The following ABR variants were observed in gnomAD, a reference collection of about 807,000 sequenced individuals.
The protein encoded by ABR is active breakpoint cluster region-related protein.
ABR carries 35 observed loss-of-function variants against 107.2 expected under a neutral mutation model. The ratio of observed to expected loss-of-function variants is 0.33; its 90% CI spans 0.25 to 0.43. The LOEUF (loss-of-function observed/expected upper bound fraction) is 0.43. Among genes scored for constraint, ABR ranks in the 20% least tolerant of loss-of-function variants. The pLI is 1.00. For missense variants in ABR, 815 were observed against 1,115.2 expected (o/e 0.73, Z 3.83); for synonymous variants, 498 against 462.0 (o/e 1.08, Z -1.00).
intron 2 of ABR, among the ~76,000 whole-genome samples, chr17:1,107,288 C>T (rs778002172): frequency 5.3e-5 from 8 of 152,320 alleles, no homozygotes; most frequent in Admixed American, 2.0e-4. Flanking sequence ...TGAGATGGAG[C>T]GAGGCTGGGA....
rs549138918 is a variant in ABR, at chr17:1,024,260, T to C, written c.1792-11096A>G. The stretch of plus-strand genomic sequence containing the variant: ...AGAAGAACCGTCTTGCCTGTTGCTA[T>C]GCACAGCGTGCCAGGACGGGCACCA... On this transcript the variant is annotated intron_variant, in intron 16 of 22. Transcript: ENST00000302538. Among the ~76,000 whole-genome samples, 22 of 152,272 alleles carry C rather than the reference T, an allele frequency of 1.4e-4. No homozygotes were observed. In the South Asian group the frequency reaches 4.6e-3, roughly 32 times the overall value.
chr17:1,057,242 G>A, intron 12 of ABR, 140 bp from the exon 13 acceptor site: 1 of 580,434 alleles, frequency 1.7e-6, no homozygotes, highest in Non-Finnish European at 3.1e-6. Flanking sequence ...AAGGATTTGT[G>A]GACACAGCAG....
chr17:1,123,504 A>C lies in ABR; in HGVS notation c.246+1679T>G, dbSNP rs146333450. On this transcript the variant is annotated intron_variant, in intron 2 of 22. Transcript: ENST00000302538. ...CCGAGAGAAGGCACCTGCCAGCACCAAAGGAATCGGAAAATCGACGGACAC... is the reference window on the plus strand; with the variant it reads ...CCGAGAGAAGGCACCTGCCAGCACCCAAGGAATCGGAAAATCGACGGACAC... Among the ~76,000 whole-genome samples, 531 of 152,262 alleles carry C rather than the reference A, an allele frequency of 3.5e-3. 11 individuals are homozygous for C. Among genetic ancestry groups the C allele is most frequent in the Admixed American group, 0.025 (384 of 15,290 alleles).
intron 16 of ABR, among the ~76,000 whole-genome samples, chr17:1,029,415 C>A (rs987114233): frequency 2.6e-5 from 4 of 152,168 alleles, no homozygotes; most frequent in Admixed American, 1.3e-4. Context: ...ATCATGAGAC[C>A]TTTCCATCTG....
intron 16 of ABR, among the ~76,000 whole-genome samples, chr17:1,014,310 G>A (rs1464015437): frequency 2.2e-5 from 3 of 134,766 alleles, no homozygotes; most frequent in African/African-American, 5.6e-5. Context: ...GCGTGGTGGC[G>A]GGCGCCTGTA....
Position 1,083,580 on chromosome 17 carries a change from G to A in ABR, c.579C>T (p.Val193=), listed in dbSNP as rs371445550. ...VYKAFVDNYK[V]ALETAEKCSQ... ...TGCACTTCTCAGCTGTCTCCAGAGC[G>A]ACTTTATAGTTATCGACAAACGCTT... is the stretch of plus-strand genomic sequence containing the variant. Residue 193 remains valine, a synonymous_variant, in exon 5 of 23, where the codon GTC becomes GTT. Transcript: ENST00000302538. 7.4e-6 allele frequency: 12 copies of A among 1,611,588 alleles called. No homozygotes were observed. Among genetic ancestry groups the A allele is most frequent in the African/African-American group, 5.3e-5 (4 of 74,820 alleles).
intron 1 of ABR, among the ~76,000 whole-genome samples, chr17:1,166,585 A>T (rs1202923666): frequency 6.6e-6 from 1 of 152,008 alleles, no homozygotes; most frequent in African/African-American, 2.4e-5. Context: ...TGTGCTAAGG[A>T]GTTTAGAGTT....
intron 3 of ABR, among the ~76,000 whole-genome samples, chr17:1,097,452 G>A (rs762246238): frequency 6.6e-5 from 10 of 152,068 alleles, no homozygotes; most frequent in Admixed American, 3.3e-4. Flanking sequence ...TTAGCTGGGC[G>A]TGGTGGTGGG....
rs150587124 is a variant in ABR at position 1,100,745 on chromosome 17, C to T, written c.247-10G>A. The T allele has an allele frequency of 5.7e-4, 924 of 1,614,018 alleles. 10 individuals are homozygous for T. In the African/African-American group the frequency reaches 0.011, roughly 19 times the overall value. ...CTTTCCCTGCTTCCACCTGCACAAACGCAAAGCACAGCCAACAGCTCATGA... is the reference window on the plus strand; with the variant it reads ...CTTTCCCTGCTTCCACCTGCACAAATGCAAAGCACAGCCAACAGCTCATGA... On this transcript the variant is annotated splice_polypyrimidine_tract_variant and intron_variant, in intron 2 of 22. Coordinates refer to ENST00000302538, the MANE Select transcript of ABR (RefSeq NM_021962.5).
chr17:1,111,705 G>A (rs776249901), intron 2 of ABR, among the ~76,000 whole-genome samples: 3 of 152,058 alleles, frequency 2.0e-5, no homozygotes, highest in Admixed American at 6.6e-5. Context: ...TCATTCTCCC[G>A]CCTCCTGTAA....
In ABR at chr17:1,222,741, G is replaced by A. The variant is rs575027816; in HGVS notation, c.838+6052C>T. Among the ~76,000 whole-genome samples, 92 of 152,114 alleles carry A rather than the reference G, an allele frequency of 6.0e-4. 2 individuals are homozygous for A. The highest frequency in any genetic ancestry group is 2.1e-3 in the African/African-American group (87 of 41,502). On this transcript the variant is annotated intron_variant, in intron 1 of 22. Transcript: ENST00000574139. ...AGCCTGGGGAACATAGTGAGACCCC[G>A]TCTCTACAAAAAATTAAAAATTAGC... is the stretch of plus-strand genomic sequence containing the variant.
intron 2 of ABR, among the ~76,000 whole-genome samples, chr17:1,122,094 G>A (rs776532377): frequency 2.0e-5 from 3 of 152,092 alleles, no homozygotes; most frequent in Admixed American, 6.5e-5. Context: ...GTAGAGACAG[G>A]GTTTCACCAT....
At chr17:1,056,137 G>A (rs763767251) in intron 13 of ABR, 28 bp from the exon 14 acceptor site, 2 of 1,607,602 alleles carry the variant, frequency 1.2e-6, no homozygotes, top group African/African-American at 1.3e-5. Flanking sequence ...CCCCAGGGCA[G>A]AGGGTGGTCA....
chr17:1,079,347 G>C lies in ABR; in HGVS notation c.683C>G (p.Thr228Arg), dbSNP rs770182453. ...KGPKDSKDSH[T>R]SVTMEALLYK... ...CGAGGTACCTTCCATGGTGACAGAC[G>C]TGTGGCTGTCCTTGGAGTCCTTGGG... is the stretch of plus-strand genomic sequence containing the variant. The change falls in exon 6 of 23, where the codon ACG (threonine) becomes AGG (arginine). Residue 228 changes from threonine (T) to arginine (R), a missense_variant. Around this residue, in one of 5 missense-constraint regions of ABR, gnomAD observed 385 missense variants for 596.9 expected, o/e 0.64. Transcript: ENST00000302538. 1 of 1,613,646 alleles carries C rather than the reference G, an allele frequency of 6.2e-7. No individual in the cohort carries two copies.
chr17:1,140,851 G>A (rs1461567866), intron 1 of ABR, among the ~76,000 whole-genome samples: 1 of 151,916 alleles, frequency 6.6e-6, no homozygotes, highest in Non-Finnish European at 1.5e-5. Context: ...CCAAAGTGCT[G>A]AGATGACAAG....
chr17:1,071,244 G>A lies in ABR; in HGVS notation c.895-1154C>T, dbSNP rs752388718. ...ATATCCCCAGAGTAAAACAGACGAC[G>A]GGATCCCCAGACGCTGCACATCAGC... On this transcript the variant is annotated intron_variant, in intron 8 of 22. Coordinates refer to ENST00000302538, the MANE Select transcript of ABR (RefSeq NM_021962.5). This position sits in a 1 kb window ranked among gnomAD's most constrained non-coding sequence, Gnocchi z 5.1. Among the ~76,000 whole-genome samples, 11 of 152,098 alleles carry A rather than the reference G, an allele frequency of 7.2e-5. No individual in the cohort carries two copies. The highest frequency in any genetic ancestry group is 2.4e-4 in the African/African-American group (10 of 41,400).
upstream of ABR, among the ~76,000 whole-genome samples, chr17:1,190,566 G>A (rs970741722): frequency 3.9e-5 from 6 of 152,196 alleles, no homozygotes; most frequent in Non-Finnish European, 7.3e-5. Flanking sequence ...CCCAGAAGGC[G>A]GAAGTGGAGG....
At chr17:1,167,108 A>G (rs79296001) in intron 1 of ABR, among the ~76,000 whole-genome samples, 2,688 of 152,228 alleles carry the variant, frequency 0.018, 88 homozygotes, top group African/African-American at 0.061. Context: ...GGACCCCGTG[A>G]TACCCCAGTG....
At chr17:1,192,696 C>G (rs550909290) in intron 1 of ABR, among the ~76,000 whole-genome samples, 1 of 142,178 alleles carries the variant, frequency 7.0e-6, no homozygotes, top group East Asian at 2.1e-4. Flanking sequence ...GAGGATCACC[C>G]GAGGCCACGA....
Sources: gnomAD v4.1 joint callset for allele counts (sites outside exome capture counted in the v4.1 genomes callset) on GRCh38, gnomAD v4.1.1 for gene constraint, gnomAD v4.1.1 regional missense constraint, Gnocchi (gnomAD v3.1) non-coding constraint, MANE v1.5 for transcripts, NCBI Gene and HGNC (gene_info 2026-07-23, HGNC 2026-07-21) for gene names.